The following ANKRD10 variants were observed in gnomAD, a reference collection of about 807,000 sequenced individuals.
ANKRD10 encodes the protein ankyrin repeat domain-containing protein 10.
Under a neutral mutation model 27.0 loss-of-function variants are expected in ANKRD10, and 14 were observed. The observed-to-expected ratio is 0.52, with a 90% CI of 0.34 to 0.81. The LOEUF is 0.81. ANKRD10 is among the 40% of genes least tolerant of loss of function. The pLI is 0.01. For synonymous variants in ANKRD10, 250 were observed against 224.5 expected, an observed-to-expected ratio of 1.11 and a Z score of -1.01; for missense variants, 493 against 544.0, an observed-to-expected ratio of 0.91 and a Z score of 0.93.
chr13:110,884,172 TAAAAC>T (rs2064871347), intron 4 of ANKRD10, among the ~76,000 whole-genome samples: 1 of 151,724 alleles, frequency 6.6e-6, no homozygotes, highest in Non-Finnish European at 1.5e-5. Context: ...TACATACAAT[TAAAAC>T]AATCCTGATT....
chr13:110,892,820 A>T, intron 4 of ANKRD10: 1 of 1,356,424 alleles, frequency 7.4e-7, no homozygotes, highest in Non-Finnish European at 9.5e-7. Context: ...CACTTGGGCC[A>T]TCAGTATTTC....
chr13:110,912,041 G>A (rs554757859), intron 1 of ANKRD10, among the ~76,000 whole-genome samples: 1 of 152,330 alleles, frequency 6.6e-6, no homozygotes, highest in Non-Finnish European at 1.5e-5. Context: ...AAGACTTTGT[G>A]GCCAAGCACC....
Position 110,914,872 on chromosome 13 carries a change from C to T in ANKRD10, c.63G>A (p.Ser21=), listed in dbSNP as rs1173385032. 6.5e-7 allele frequency: 1 copy of T among 1,549,752 alleles called. No individual in the cohort carries two copies. Among genetic ancestry groups the T allele is most frequent in the Non-Finnish European group, 8.7e-7 (1 of 1,150,052 alleles). Residue 21 remains serine, a synonymous_variant, in exon 1 of 6, where the codon TCG becomes TCA. Transcript: ENST00000267339. The stretch of plus-strand genomic sequence containing the variant: ...AGGCGCGGTGCAGCGGGAAACGGAG[C>T]GAGAGCAGCTCCTCGCTGGAGAAGC... ...EAGFSSEELL[S]LRFPLHRACR...
chr13:110,891,473 A>G (rs369183860), intron 4 of ANKRD10, among the ~76,000 whole-genome samples: 2 of 152,194 alleles, frequency 1.3e-5, no homozygotes, highest in African/African-American at 4.8e-5. Flanking sequence ...GAATTTGATA[A>G]AACTGTTAAG....
chr13:110,902,356 G>C (rs1422916033), intron 3 of ANKRD10, among the ~76,000 whole-genome samples: 1 of 96,710 alleles, frequency 1.0e-5, no homozygotes, highest in Non-Finnish European at 2.5e-5. Flanking sequence ...TCTAGACAGG[G>C]CTCTATGGTA....
At chr13:110,914,623 C>T (rs2065832393) in intron 1 of ANKRD10, 102 bp downstream of exon 1, 6 of 1,432,086 alleles carry the variant, frequency 4.2e-6, no homozygotes, top group Non-Finnish European at 5.5e-6. Flanking sequence ...GCTTCCGCCC[C>T]GCGATCCCGG....
chr13:110,892,364 A>G (rs2065097049), intron 4 of ANKRD10, among the ~76,000 whole-genome samples: 1 of 133,080 alleles, frequency 7.5e-6, no homozygotes, highest in Non-Finnish European at 1.6e-5. Flanking sequence ...TGGGAGCCGG[A>G]GGTTGCAGTG....
At chr13:110,913,858 G>C (rs1490012280) in intron 1 of ANKRD10, among the ~76,000 whole-genome samples, 1 of 152,172 alleles carries the variant, frequency 6.6e-6, no homozygotes, top group African/African-American at 2.4e-5. Context: ...TAAGATTTCT[G>C]AGAGCAAGTA....
At chr13:110,892,957 A>G (rs2065122850) in intron 4 of ANKRD10, 71 bp downstream of exon 4, 4 of 1,573,648 alleles carry the variant, frequency 2.5e-6, no homozygotes, top group Non-Finnish European at 2.6e-6. Context: ...AGGTGCGCTC[A>G]GCCATAAAAA....
chr13:110,904,991 A>G (rs1381243266), intron 3 of ANKRD10: 1 of 152,236 alleles, frequency 6.6e-6, no homozygotes, highest in Non-Finnish European at 1.5e-5. Flanking sequence ...TATAATACAG[A>G]GTCAAAGCAA....
intron 3 of ANKRD10, chr13:110,893,959 A>C: frequency 3.5e-6 from 2 of 570,018 alleles, no homozygotes; most frequent in Non-Finnish European, 6.1e-6. Flanking sequence ...CATCCCTACC[A>C]CTCACAAGAA....
Position 110,914,807 on chromosome 13 carries a change from T to A in ANKRD10, c.128A>T (p.Gln43Leu). The stretch of plus-strand genomic sequence containing the variant: ...GGCCAGGTGGGCGTGGGGTGTCTGC[T>A]GCAGCAGCGAGCAGAGCGTGGCCAG... The part of the protein sequence containing the change: ...GDLATLCSLL[Q>L]QTPHAHLASE... The change falls in exon 1 of 6, where the codon CAG (glutamine) becomes CTG (leucine). Residue 43 changes from glutamine to leucine, a missense_variant. By Grantham distance (113) the Gln-to-Leu change is moderately radical. Coordinates refer to ENST00000267339, the MANE Select transcript of ANKRD10 (RefSeq NM_017664.4). The A allele has an allele frequency of 6.3e-7, 1 of 1,593,490 alleles. No homozygotes were observed. The highest frequency in any genetic ancestry group is 8.5e-7 in the Non-Finnish European group (1 of 1,170,750).
intron 5 of ANKRD10, among the ~76,000 whole-genome samples, chr13:110,882,597 A>T (rs1204534650): frequency 6.6e-6 from 1 of 152,242 alleles, no homozygotes; most frequent in East Asian, 1.9e-4. Flanking sequence ...TAGCAAGGTC[A>T]CTTTTAAAAA....
At chr13:110,908,080 A>G (rs938361112) in intron 2 of ANKRD10, among the ~76,000 whole-genome samples, 4 of 152,150 alleles carry the variant, frequency 2.6e-5, no homozygotes, top group African/African-American at 9.7e-5. Context: ...GTAAGACTAA[A>G]GAGCCAGGTG....
At chr13:110,898,646 T>C (rs936280142) in intron 3 of ANKRD10, among the ~76,000 whole-genome samples, 2 of 152,072 alleles carry the variant, frequency 1.3e-5, no homozygotes, top group Non-Finnish European at 2.9e-5. Context: ...CACAGCTCAC[T>C]GTAGCCTCGT....
chr13:110,897,079 A>G (rs1333631148), intron 3 of ANKRD10, among the ~76,000 whole-genome samples: 1 of 152,158 alleles, frequency 6.6e-6, no homozygotes, highest in Non-Finnish European at 1.5e-5. Flanking sequence ...AATTACTGTT[A>G]GTCACCCTAC....
chr13:110,892,733 A>G, intron 4 of ANKRD10: 1 of 1,060,152 alleles, frequency 9.4e-7, no homozygotes, highest in Non-Finnish European at 1.1e-6. Context: ...ATATATTTCA[A>G]ACAGATACAA....
At chr13:110,898,582 T>C (rs1330014201) in intron 3 of ANKRD10, among the ~76,000 whole-genome samples, 1 of 152,058 alleles carries the variant, frequency 6.6e-6, no homozygotes, top group African/African-American at 2.4e-5. Flanking sequence ...TTTGTCTGTT[T>C]GTTTTAAACA....
At chr13:110,881,821 A>G (rs1159023275) in intron 5 of ANKRD10, among the ~76,000 whole-genome samples, 1 of 152,202 alleles carries the variant, frequency 6.6e-6, no homozygotes, top group African/African-American at 2.4e-5. Flanking sequence ...TTAATCTCAA[A>G]ATCAAGGCTG....
Sources: gnomAD v4.1 joint callset for allele counts (sites outside exome capture counted in the v4.1 genomes callset) on GRCh38, gnomAD v4.1.1 for gene constraint, MANE v1.5 for transcripts, NCBI Gene and HGNC (gene_info 2026-07-23, HGNC 2026-07-21) for gene names.